Variants in FHIT observed in about 807,000 individuals in gnomAD.
FHIT encodes the protein bis(5'-adenosyl)-triphosphatase.
A neutral mutation model predicts 17.9 loss-of-function variants in FHIT; 19 were observed. The observed-to-expected ratio is 1.06, with a 90% CI of 0.74 to 1.56. The LOEUF is 1.56. FHIT is among the 40% of genes most tolerant of loss of function. The pLI is 0.00. For missense variants in FHIT, 248 were observed against 189.2 expected (o/e 1.31, Z -1.82); for synonymous variants, 81 against 69.7 (o/e 1.16, Z -0.81).
At chr3:60,397,747 G>C (rs1701504760) in intron 5 of FHIT, among the ~76,000 whole-genome samples, 1 of 152,180 alleles carries the variant, frequency 6.6e-6, no homozygotes, top group African/African-American at 2.4e-5. Flanking sequence ...CAAGCTACAG[G>C]TTAAATGCTT....
intron 5 of FHIT, among the ~76,000 whole-genome samples, chr3:60,443,534 G>A (rs62449301): frequency 0.37 from 56,168 of 151,966 alleles, 11,893 homozygotes; most frequent in African/African-American, 0.57. Flanking sequence ...AGATAATTAT[G>A]TGGTTTTTGT....
intron 5 of FHIT, among the ~76,000 whole-genome samples, chr3:60,171,336 T>C (rs747933136): frequency 2.6e-5 from 4 of 152,190 alleles, no homozygotes; most frequent in Admixed American, 2.0e-4. Context: ...CAACTACATA[T>C]TGAGAGGAAG....
chr3:60,985,733 C>T (rs1033679150), intron 3 of FHIT, among the ~76,000 whole-genome samples: 1 of 152,172 alleles, frequency 6.6e-6, no homozygotes. Flanking sequence ...CAAATAAATT[C>T]CCAGGTGCGT....
At chr3:61,006,887 G>A (rs529286776) in intron 3 of FHIT, among the ~76,000 whole-genome samples, 1 of 152,150 alleles carries the variant, frequency 6.6e-6, no homozygotes, top group South Asian at 2.1e-4. Flanking sequence ...TTAAGCTGTT[G>A]ATACTTTCGA....
intron 5 of FHIT, among the ~76,000 whole-genome samples, chr3:60,298,662 T>TA (rs1286675367): frequency 1.3e-5 from 2 of 152,194 alleles, no homozygotes; most frequent in African/African-American, 4.8e-5. Context: ...GTTCTGTTTT[T>TA]ATCACAAAGT....
chr3:61,190,223 C>G (rs2038669910), intron 2 of FHIT, among the ~76,000 whole-genome samples: 1 of 152,028 alleles, frequency 6.6e-6, no homozygotes, highest in Non-Finnish European at 1.5e-5. Flanking sequence ...ACAATGAACT[C>G]AAACAAATTT....
chr3:61,238,458 GC>G (rs1329370012), intron 1 of FHIT, among the ~76,000 whole-genome samples: 4 of 152,186 alleles, frequency 2.6e-5, no homozygotes, highest in Non-Finnish European at 5.9e-5. Flanking sequence ...CACTACCGCT[GC>G]CCTTCATAGA....
chr3:60,260,242 C>T (rs1706222776), intron 5 of FHIT, among the ~76,000 whole-genome samples: 1 of 151,560 alleles, frequency 6.6e-6, no homozygotes, highest in African/African-American at 2.4e-5. Context: ...TCAGGGTGTA[C>T]CAATTAAGTA....
chr3:61,171,911 A>T (rs1329897367), intron 2 of FHIT, among the ~76,000 whole-genome samples: 1 of 152,222 alleles, frequency 6.6e-6, no homozygotes, highest in Non-Finnish European at 1.5e-5. Context: ...CTACTGCCAG[A>T]ATTTTTAGCA....
chr3:60,223,741 C>G (rs1158234498), intron 5 of FHIT, among the ~76,000 whole-genome samples: 2 of 152,178 alleles, frequency 1.3e-5, no homozygotes, highest in Admixed American at 6.5e-5. Flanking sequence ...GCTTTCTTAG[C>G]ACCACTGGTT....
At chr3:60,443,228 A>C (rs1227879953) in intron 5 of FHIT, among the ~76,000 whole-genome samples, 2 of 152,176 alleles carry the variant, frequency 1.3e-5, no homozygotes, top group Non-Finnish European at 2.9e-5. Flanking sequence ...AACAGTGACA[A>C]TTTGACTTCC....
intron 7 of FHIT, among the ~76,000 whole-genome samples, chr3:59,991,906 A>T (rs1355265867): frequency 2.0e-5 from 3 of 152,054 alleles, no homozygotes; most frequent in African/African-American, 4.8e-5. Flanking sequence ...ACCTGAAGTC[A>T]GAAACTTCCC....
At chr3:60,936,121 G>T (rs1708182341) in intron 3 of FHIT, among the ~76,000 whole-genome samples, 1 of 152,044 alleles carries the variant, frequency 6.6e-6, no homozygotes, top group South Asian at 2.1e-4. Context: ...TGTCCAAACA[G>T]CCACTTAGTC....
chr3:60,116,447 C>A (rs889634213), intron 5 of FHIT, among the ~76,000 whole-genome samples: 1 of 152,122 alleles, frequency 6.6e-6, no homozygotes, highest in African/African-American at 2.4e-5. Flanking sequence ...TTCAGAGCCC[C>A]TCTTTTCTTG....
intron 2 of FHIT, among the ~76,000 whole-genome samples, chr3:61,113,134 A>G (rs2036208081): frequency 6.6e-6 from 1 of 151,890 alleles, no homozygotes; most frequent in Non-Finnish European, 1.5e-5. Flanking sequence ...ACCCCAAGTA[A>G]CTGGGACTAC....
chr3:60,075,308 T>A (rs1350440955), intron 5 of FHIT, among the ~76,000 whole-genome samples: 1 of 152,040 alleles, frequency 6.6e-6, no homozygotes, highest in African/African-American at 2.4e-5. Flanking sequence ...TGAATAGCTG[T>A]GACAGTACAG....
At chr3:60,879,197 T>C (rs1436212547) in intron 3 of FHIT, among the ~76,000 whole-genome samples, 2 of 152,178 alleles carry the variant, frequency 1.3e-5, no homozygotes, top group Non-Finnish European at 2.9e-5. Context: ...TGGTGTAAGA[T>C]GGTATCTCAT....
chr3:60,559,057 C>T (rs796495482), intron 4 of FHIT, among the ~76,000 whole-genome samples: 16 of 152,112 alleles, frequency 1.1e-4, no homozygotes, highest in African/African-American at 1.9e-4. Flanking sequence ...ATCTAAAGAC[C>T]GCATTTTTCT....
intron 5 of FHIT, among the ~76,000 whole-genome samples, chr3:60,504,651 C>T (rs979852234): frequency 6.6e-5 from 10 of 152,164 alleles, no homozygotes; most frequent in African/African-American, 2.4e-4. Context: ...TCAACCGCAG[C>T]TCCAAAGGAG....
Sources: gnomAD v4.1 joint callset for allele counts (sites outside exome capture counted in the v4.1 genomes callset) on GRCh38, gnomAD v4.1.1 for gene constraint, MANE v1.5 for transcripts, NCBI Gene and HGNC (gene_info 2026-07-23, HGNC 2026-07-21) for gene names.